Variants in PHACTR1 observed in about 807,000 individuals in gnomAD.
The protein encoded by PHACTR1 is phosphatase and actin regulator 1, also known as RPEL repeat containing 1.
A neutral mutation model predicts 69.2 loss-of-function variants in PHACTR1; 16 were observed. The observed-to-expected ratio is 0.23, with a 90% confidence interval of 0.16 to 0.35. The LOEUF is 0.35. Ranked by LOEUF, PHACTR1 falls within the 10% of genes least tolerant of loss-of-function variation. The probability of loss-of-function intolerance (pLI) is 1.00; values close to 1 mark genes in which losing one functional copy is unlikely to be tolerated. For synonymous variants in PHACTR1, 312 were observed against 284.5 expected, an observed-to-expected ratio of 1.10 and a Z score of -0.97; for missense variants, 510 against 734.7, an observed-to-expected ratio of 0.69 and a Z score of 3.54.
At chr6:12,907,761 A>G (rs187689766) in intron 4 of PHACTR1, among the ~76,000 whole-genome samples, 1 of 140,374 alleles carries the variant, frequency 7.1e-6, no homozygotes, top group Non-Finnish European at 1.6e-5. Flanking sequence ...AATAAGAGAG[A>G]TGAGAGTGGA....
intron 4 of PHACTR1, among the ~76,000 whole-genome samples, chr6:12,760,091 G>A (rs1453194407): frequency 3.3e-5 from 5 of 152,228 alleles, no homozygotes; most frequent in Non-Finnish European, 4.4e-5. Context: ...ACGAAGTGGA[G>A]AATGAGGTCC....
At chr6:12,951,297 G>A (rs1010832465) in intron 4 of PHACTR1, among the ~76,000 whole-genome samples, 12 of 152,162 alleles carry the variant, frequency 7.9e-5, no homozygotes, top group Non-Finnish European at 1.6e-4. Flanking sequence ...TTATCGTATT[G>A]CAGACCTTCC....
intron 4 of PHACTR1, among the ~76,000 whole-genome samples, chr6:12,832,940 C>G (rs1290073113): frequency 6.6e-6 from 1 of 152,262 alleles, no homozygotes; most frequent in East Asian, 1.9e-4. Flanking sequence ...CAACCTGCAG[C>G]TTTAGACTAT....
chr6:13,249,199 G>C (rs1250085444), intron 10 of PHACTR1, among the ~76,000 whole-genome samples: 11 of 152,114 alleles, frequency 7.2e-5, no homozygotes, highest in African/African-American at 2.4e-4. Flanking sequence ...ATGAGTGGCG[G>C]GAGTGAGCAT....
chr6:13,132,274 G>C (rs1820583859), intron 5 of PHACTR1, among the ~76,000 whole-genome samples: 1 of 152,096 alleles, frequency 6.6e-6, no homozygotes, highest in South Asian at 2.1e-4. Flanking sequence ...TTCCCTTCCA[G>C]TTCCAGCGCA....
At chr6:12,875,587 A>C (rs913906756) in intron 4 of PHACTR1, among the ~76,000 whole-genome samples, 1 of 152,246 alleles carries the variant, frequency 6.6e-6, no homozygotes, top group Admixed American at 6.5e-5. Context: ...CCAGTAAAAA[A>C]GGTACCCAGT....
intron 4 of PHACTR1, among the ~76,000 whole-genome samples, chr6:13,019,074 A>ATTTTTT (rs56281010): frequency 2.1e-5 from 3 of 143,660 alleles, no homozygotes; most frequent in Admixed American, 2.1e-4. Flanking sequence ...ATATATATAT[A>ATTTTTT]TTTTTTCTTT....
intron 4 of PHACTR1, among the ~76,000 whole-genome samples, chr6:12,985,203 C>T (rs1795993425): frequency 6.6e-6 from 1 of 152,114 alleles, no homozygotes. Flanking sequence ...CTCTATTTCA[C>T]ACCTCATCTC....
At chr6:13,026,394 T>C (rs762638467) in intron 4 of PHACTR1, among the ~76,000 whole-genome samples, 4 of 152,186 alleles carry the variant, frequency 2.6e-5, no homozygotes, top group Non-Finnish European at 4.4e-5. Flanking sequence ...TGTGATATTT[T>C]AAAATTCTCT....
intron 5 of PHACTR1, among the ~76,000 whole-genome samples, chr6:13,111,298 C>T (rs982369943): frequency 6.6e-6 from 1 of 152,090 alleles, no homozygotes; most frequent in African/African-American, 2.4e-5. Flanking sequence ...TTTAAATTTC[C>T]AATTTAAGTA....
At chr6:13,087,489 A>G (rs900721087) in intron 5 of PHACTR1, among the ~76,000 whole-genome samples, 1 of 152,032 alleles carries the variant, frequency 6.6e-6, no homozygotes, top group Non-Finnish European at 1.5e-5. Context: ...TTTGCATCCA[A>G]TGATAGGTTA....
intron 4 of PHACTR1, among the ~76,000 whole-genome samples, chr6:12,988,181 G>A (rs1370457141): frequency 6.6e-6 from 1 of 152,170 alleles, no homozygotes; most frequent in African/African-American, 2.4e-5. Context: ...AGTACATATT[G>A]GCAGGTAAAA....
At chr6:13,082,009 C>T (rs547810636) in intron 5 of PHACTR1, among the ~76,000 whole-genome samples, 2 of 152,280 alleles carry the variant, frequency 1.3e-5, no homozygotes, top group South Asian at 4.1e-4. Flanking sequence ...TCTGGCCACA[C>T]TTTCTTATGA....
At chr6:12,830,199 C>A (rs978427093) in intron 4 of PHACTR1, among the ~76,000 whole-genome samples, 1 of 150,472 alleles carries the variant, frequency 6.6e-6, no homozygotes, top group Non-Finnish European at 1.5e-5. Context: ...ATTTAATTCA[C>A]AACTAAGTGA....
chr6:12,831,837 C>T (rs1047507936), intron 4 of PHACTR1, among the ~76,000 whole-genome samples: 1 of 152,178 alleles, frequency 6.6e-6, no homozygotes, highest in Admixed American at 6.5e-5. Flanking sequence ...CAGACACACA[C>T]ACAATTTTTA....
At chr6:13,168,566 T>C (rs1583688900) in intron 6 of PHACTR1, among the ~76,000 whole-genome samples, 1 of 152,230 alleles carries the variant, frequency 6.6e-6, no homozygotes. Flanking sequence ...ACAGTCCTGA[T>C]GACGGGTTTA....
At chr6:12,725,488 T>C (rs777962170) in intron 3 of PHACTR1, among the ~76,000 whole-genome samples, 5 of 152,178 alleles carry the variant, frequency 3.3e-5, no homozygotes, top group Non-Finnish European at 5.9e-5. Context: ...ACGCCTACAC[T>C]ACAGCCATTG....
At chr6:12,765,365 GACA>G (rs1304650155) in intron 4 of PHACTR1, among the ~76,000 whole-genome samples, 1 of 152,168 alleles carries the variant, frequency 6.6e-6, no homozygotes, top group Non-Finnish European at 1.5e-5. Flanking sequence ...CGAGGCAAGG[GACA>G]ACATCTGCCT....
intron 5 of PHACTR1, among the ~76,000 whole-genome samples, chr6:13,060,518 A>C (rs1055912872): frequency 1.3e-5 from 2 of 152,168 alleles, no homozygotes; most frequent in Non-Finnish European, 2.9e-5. Context: ...GACAGAAGAG[A>C]TAGGGGAAGG....
Sources: allele counts gnomAD v4.1 joint callset (sites outside exome capture counted in the v4.1 genomes callset), GRCh38; gene constraint gnomAD v4.1.1; transcripts MANE v1.5; gene names NCBI Gene and HGNC (gene_info 2026-07-23, HGNC 2026-07-21).